Variants in DAB1 observed in about 807,000 individuals in gnomAD.
DAB1 encodes the protein disabled homolog 1.
A neutral mutation model predicts 64.6 loss-of-function variants in DAB1; 15 were observed. The ratio of observed to expected loss-of-function variants is 0.23; its 90% CI spans 0.16 to 0.36. The LOEUF (loss-of-function observed/expected upper bound fraction) is 0.36. DAB1 is among the 10% of genes least tolerant of loss of function. DAB1 has a pLI of 1.00. For missense variants in DAB1, 596 were observed against 706.7 expected (o/e 0.84, Z 1.78); for synonymous variants, 235 against 251.9 (o/e 0.93, Z 0.64).
intron 6 of DAB1, among the ~76,000 whole-genome samples, chr1:57,741,436 A>G (rs1647985836): frequency 1.3e-5 from 2 of 152,180 alleles, no homozygotes; most frequent in South Asian, 4.1e-4. Context: ...AACTCTTCCA[A>G]AAGCAACCAT....
intron 6 of DAB1, among the ~76,000 whole-genome samples, chr1:57,782,765 C>T (rs1557478189): frequency 6.6e-6 from 1 of 152,106 alleles, no homozygotes; most frequent in Non-Finnish European, 1.5e-5. Context: ...CATTGTCGCT[C>T]AATATCAACA....
intron 5 of DAB1, among the ~76,000 whole-genome samples, chr1:57,960,233 G>T (rs1227854467): frequency 6.6e-6 from 1 of 152,152 alleles, no homozygotes; most frequent in Non-Finnish European, 1.5e-5. Context: ...AAAGCCCTAG[G>T]TTTGAGTCCC....
intron 6 of DAB1, among the ~76,000 whole-genome samples, chr1:57,704,164 T>C (rs555652636): frequency 6.6e-6 from 1 of 152,126 alleles, no homozygotes. Flanking sequence ...GTAAAAAACC[T>C]GTACATGTAC....
intron 1 of DAB1, among the ~76,000 whole-genome samples, chr1:57,408,523 A>C (rs991901694): frequency 3.3e-5 from 5 of 152,110 alleles, no homozygotes; most frequent in Admixed American, 1.3e-4. Context: ...AGAGCCTTTT[A>C]GATTCTGGAA....
chr1:57,751,834 T>TAATAAATAAATAAATAAATAAATA (rs58928224), intron 6 of DAB1, among the ~76,000 whole-genome samples: 4 of 150,786 alleles, frequency 2.7e-5, no homozygotes, highest in African/African-American at 9.8e-5. Context: ...ATTCTTTACT[T>TAATAAATAAATAAATAAATAAATA]AATAAATAAA....
intron 7 of DAB1, among the ~76,000 whole-genome samples, chr1:57,483,466 T>C (rs1320249494): frequency 6.6e-6 from 1 of 152,194 alleles, no homozygotes; most frequent in East Asian, 1.9e-4. Flanking sequence ...TCCAACATGA[T>C]TGTGAGGCCT....
chr1:57,234,555 T>C (rs1358280714), intron 2 of DAB1, among the ~76,000 whole-genome samples: 5 of 152,160 alleles, frequency 3.3e-5, no homozygotes, highest in African/African-American at 9.7e-5. Context: ...TAAACTAATA[T>C]AAAGCATTTG....
chr1:57,825,959 T>C (rs1401929320), downstream of DAB1: 1 of 152,204 alleles, frequency 6.6e-6, no homozygotes, highest in Non-Finnish European at 1.5e-5. Flanking sequence ...GCATGTTGAA[T>C]TATACAAGGT....
intron 5 of DAB1, among the ~76,000 whole-genome samples, chr1:58,069,198 C>T (rs1649067657): frequency 6.6e-6 from 1 of 152,168 alleles, no homozygotes; most frequent in East Asian, 1.9e-4. Context: ...ACTAAATTAT[C>T]CAACATGCGT....
chr1:57,522,052 G>A (rs563163172), intron 7 of DAB1, among the ~76,000 whole-genome samples: 1 of 152,076 alleles, frequency 6.6e-6, no homozygotes, highest in Non-Finnish European at 1.5e-5. Flanking sequence ...GGAGGTTGCA[G>A]TGAGCTGAGA....
intron 5 of DAB1, among the ~76,000 whole-genome samples, chr1:58,075,303 T>A (rs1480068037): frequency 6.6e-6 from 1 of 152,232 alleles, no homozygotes; most frequent in African/African-American, 2.4e-5. Flanking sequence ...TTACACATGG[T>A]GAGATTGTAC....
At chr1:58,381,488 T>C (rs958148026) in intron 3 of DAB1, among the ~76,000 whole-genome samples, 3 of 152,078 alleles carry the variant, frequency 2.0e-5, no homozygotes, top group Non-Finnish European at 2.9e-5. Flanking sequence ...GAATAAATGA[T>C]AGAGTAGCAA....
intron 5 of DAB1, among the ~76,000 whole-genome samples, chr1:57,937,219 G>T (rs1645038992): frequency 6.6e-6 from 1 of 152,036 alleles, no homozygotes. Flanking sequence ...TCTGTGGGGT[G>T]AGCCAAGGAG....
At chr1:57,932,993 C>A (rs1422457719) in intron 5 of DAB1, among the ~76,000 whole-genome samples, 1 of 152,148 alleles carries the variant, frequency 6.6e-6, no homozygotes, top group Non-Finnish European at 1.5e-5. Flanking sequence ...AATGCCCTGG[C>A]ATTTTTCAAA....
intron 5 of DAB1, chr1:58,080,356 T>C (rs1649922215): frequency 6.6e-6 from 1 of 152,244 alleles, no homozygotes; most frequent in African/African-American, 2.4e-5. Flanking sequence ...CATCTGTTGA[T>C]AGCACATTTT....
chr1:57,209,407 G>A (rs774816960), intron 2 of DAB1, among the ~76,000 whole-genome samples: 2 of 152,180 alleles, frequency 1.3e-5, no homozygotes, highest in Non-Finnish European at 2.9e-5. Context: ...TGTTCTTCAC[G>A]TTGCAAACTG....
In DAB1 at chr1:58,108,648, G is replaced by C. The variant is rs1202560898; in HGVS notation, n.387+41863C>G. On this transcript the variant is annotated intron_variant and non_coding_transcript_variant, in intron 5 of 20. Coordinates refer to the DAB1 transcript ENST00000485760. The stretch of plus-strand genomic sequence containing the variant: ...AACCAGTGCTCTCAATGTGCACTAA[G>C]TTTTTATTGCCACTGCTATGAGCTC... 2.0e-5 allele frequency among the ~76,000 whole-genome samples: 3 copies of C among 152,306 alleles called. No homozygotes were observed. In the East Asian group the frequency reaches 5.8e-4, roughly 29 times the overall value.
At chr1:57,216,184 A>C (rs553646389) in intron 2 of DAB1, among the ~76,000 whole-genome samples, 11 of 151,914 alleles carry the variant, frequency 7.2e-5, no homozygotes, top group South Asian at 2.1e-4. Context: ...TTTATTCTTC[A>C]GTTTATTAGC....
chr1:57,117,588 G>C (rs1249755759), intron 4 of DAB1, among the ~76,000 whole-genome samples: 1 of 152,154 alleles, frequency 6.6e-6, no homozygotes, highest in Non-Finnish European at 1.5e-5. Context: ...AACATTCATA[G>C]TACAATTCAA....
Sources: allele counts gnomAD v4.1 joint callset (sites outside exome capture counted in the v4.1 genomes callset), GRCh38; gene constraint gnomAD v4.1.1; transcripts MANE v1.5; gene names NCBI Gene and HGNC (gene_info 2026-07-23, HGNC 2026-07-21).